ERICH1: variants seen among roughly 807,000 people sequenced by gnomAD.
ERICH1 encodes glutamate rich 1.
Under a neutral mutation model 39.6 loss-of-function variants are expected in ERICH1, and 56 were observed. The observed-to-expected ratio is 1.41, with a 90% CI of 1.14 to 1.77. The LOEUF (loss-of-function observed/expected upper bound fraction) is 1.77. Ranked by LOEUF, ERICH1 falls within the 40% of genes most tolerant of loss-of-function variation. The probability of loss-of-function intolerance (pLI) is 0.00; values close to 1 mark genes in which losing one functional copy is unlikely to be tolerated. For missense variants in ERICH1, 826 were observed against 575.4 expected, an observed-to-expected ratio of 1.44 and a Z score of -4.45; for synonymous variants, 313 against 223.6, an observed-to-expected ratio of 1.40 and a Z score of -3.57.
chr8:646,632 C>T (rs1455661198), intron 3 of ERICH1, among the ~76,000 whole-genome samples: 1 of 68,814 alleles, frequency 1.5e-5, no homozygotes, highest in Non-Finnish European at 4.6e-5. Flanking sequence ...CGAGGCTGGA[C>T]GCTGATGGAG....
intron 3 of ERICH1, chr8:656,913 A>C: frequency 1.1e-6 from 1 of 875,380 alleles, no homozygotes; most frequent in Non-Finnish European, 1.4e-6. Flanking sequence ...AAGATAAACA[A>C]TACACTCCTT....
intron 1 of ERICH1, among the ~76,000 whole-genome samples, chr8:723,313 T>C (rs1377627432): frequency 6.6e-6 from 1 of 152,210 alleles, no homozygotes; most frequent in Non-Finnish European, 1.5e-5. Context: ...CCTCCGACAT[T>C]CCTTTACAGC....
intron 3 of ERICH1, among the ~76,000 whole-genome samples, chr8:618,541 G>C (rs1041624204): frequency 2.0e-5 from 3 of 152,224 alleles, no homozygotes; most frequent in African/African-American, 4.8e-5. Flanking sequence ...AACTGAGTGA[G>C]TGACTGACAG....
Position 731,199 on chromosome 8 carries a change from G to T in ERICH1, c.-38C>A, listed in dbSNP as rs897898605. The T allele has an allele frequency of 6.8e-7, 1 of 1,464,168 alleles. No homozygotes were observed. Among genetic ancestry groups the T allele is most frequent in the Non-Finnish European group, 9.0e-7 (1 of 1,111,390 alleles). The allele number at this position is 1,464,168 out of a possible 1,614,324, so 90.7% of individuals were successfully genotyped here. On this transcript the variant is annotated 5_prime_UTR_variant, in exon 1 of 6. Coordinates refer to ENST00000262109, the MANE Select transcript of ERICH1 (RefSeq NM_207332.3). ...CGCGGACCTCAGACCACGGCGCGCG[G>T]TCCTGAGCTGAGCGCCGTGCCTTCC...
chr8:673,943 C>T lies in ERICH1; in HGVS notation c.409G>A (p.Glu137Lys), dbSNP rs146682812. 170 of 1,611,526 alleles carry T rather than the reference C, an allele frequency of 1.1e-4. 1 individual carries two copies. In the East Asian group the frequency reaches 3.5e-3, roughly 34 times the overall value. ...TCCTGTAACAGACTCTGCTGTTTCT[C>T]TAATTCTGCTTGTTCTATAAGAACA... ...NNVLIEQAELEKQQSLLQEKS... is the reference protein window; with the variant it reads ...NNVLIEQAELKKQQSLLQEKS... Residue 137 changes from glutamate to lysine, a missense_variant, in exon 4 of 6, where the codon GAG becomes AAG. Coordinates refer to ENST00000262109, the MANE Select transcript of ERICH1 (RefSeq NM_207332.3).
At chr8:707,674 G>A (rs1218080213) in intron 2 of ERICH1, among the ~76,000 whole-genome samples, 8 of 152,182 alleles carry the variant, frequency 5.3e-5, no homozygotes, top group Non-Finnish European at 1.0e-4. Context: ...ACACATAAGT[G>A]CTAAAACTAT....
intron 2 of ERICH1, among the ~76,000 whole-genome samples, chr8:696,904 C>T (rs1408510546): frequency 6.6e-6 from 1 of 150,824 alleles, no homozygotes; most frequent in Non-Finnish European, 1.5e-5. Context: ...CCCTCCCTCT[C>T]CTTCCTCCCC....
chr8:688,834 A>T (rs1448460939), intron 3 of ERICH1, among the ~76,000 whole-genome samples: 1 of 152,380 alleles, frequency 6.6e-6, no homozygotes, highest in South Asian at 2.1e-4. Flanking sequence ...TTATCCAACA[A>T]GAAGTACACG....
At chr8:626,973 G>A (rs371361747) in intron 3 of ERICH1, 19 of 385,626 alleles carry the variant, frequency 4.9e-5, no homozygotes, top group African/African-American at 3.9e-4. Flanking sequence ...TGCCGTGGAG[G>A]AGGAAAGCAC....
chr8:627,290 T>G (rs1272071514), intron 3 of ERICH1: 1 of 444,658 alleles, frequency 2.2e-6, no homozygotes, highest in African/African-American at 2.0e-5. Context: ...AAGGGGTGTA[T>G]AACAGGCCAG....
intron 3 of ERICH1, among the ~76,000 whole-genome samples, chr8:677,638 A>T (rs1429077793): frequency 6.6e-6 from 1 of 152,238 alleles, no homozygotes; most frequent in African/African-American, 2.4e-5. Context: ...ACTGATGTTT[A>T]AAACCAACCA....
Position 629,650 on chromosome 8 carries a change from C to A in ERICH1, c.977-14366G>T, listed in dbSNP as rs1227347433. Among the ~76,000 whole-genome samples, 498 of 142,966 alleles carry A rather than the reference C, an allele frequency of 3.5e-3. 9 individuals are homozygous for A. Among genetic ancestry groups the A allele is most frequent in the Non-Finnish European group, 2.2e-3 (148 of 66,686 alleles). The allele number at this position is 142,966 out of a possible 152,430, so 93.8% of individuals were successfully genotyped here. A position where few individuals can be genotyped will look rare whatever the true frequency, so the allele number is the denominator to read the frequency against. Reference sequence around the variant, plus strand: ...ACCCCAGAGACAGAGCTGACTCACACCCGCCTGTGACCACCCACAGAGACA... The same window carrying A: ...ACCCCAGAGACAGAGCTGACTCACAACCGCCTGTGACCACCCACAGAGACA... On this transcript the variant is annotated intron_variant, in intron 3 of 3. Coordinates refer to the ERICH1 transcript ENST00000522706.
In ERICH1 at chr8:728,980, T is replaced by G. The variant is rs1277097585; in HGVS notation, c.22+2160A>C. Among the ~76,000 whole-genome samples, 3 of 152,076 alleles carry G rather than the reference T, an allele frequency of 2.0e-5. No individual in the cohort carries two copies. The East Asian group carries it at 5.8e-4, about 29-fold the overall frequency. ...CCTGACTGCCAACCTTTCCACCTCA[T>G]GTTTCTTGGTCTGTGCCAGGGCCAG... is the stretch of plus-strand genomic sequence containing the variant. On this transcript the variant is annotated intron_variant, in intron 1 of 5. Coordinates refer to ENST00000262109, the MANE Select transcript of ERICH1 (RefSeq NM_207332.3).
At chr8:617,833 C>G (rs1257783356) in intron 3 of ERICH1, among the ~76,000 whole-genome samples, 1 of 149,674 alleles carries the variant, frequency 6.7e-6, no homozygotes, top group African/African-American at 2.5e-5. Flanking sequence ...TCCATCTGTC[C>G]TCACTGCCCT....
chr8:640,186 T>A (rs1304568621), intron 3 of ERICH1, among the ~76,000 whole-genome samples: 1 of 152,146 alleles, frequency 6.6e-6, no homozygotes, highest in Non-Finnish European at 1.5e-5. Flanking sequence ...TGCCGCCTAA[T>A]CAAAGGACCC....
At chr8:676,644 C>T (rs1331401465) in intron 3 of ERICH1, among the ~76,000 whole-genome samples, 2 of 152,326 alleles carry the variant, frequency 1.3e-5, no homozygotes, top group Non-Finnish European at 2.9e-5. Flanking sequence ...ACAGACGGCA[C>T]ATGGCGCACA....
chr8:705,809 G>C (rs928675644), intron 2 of ERICH1, among the ~76,000 whole-genome samples: 2 of 152,202 alleles, frequency 1.3e-5, no homozygotes, highest in African/African-American at 4.8e-5. Flanking sequence ...ATCTTGCACA[G>C]TGATGTACCA....
At chr8:635,241 G>A (rs979053518) in intron 3 of ERICH1, among the ~76,000 whole-genome samples, 1 of 152,106 alleles carries the variant, frequency 6.6e-6, no homozygotes, top group Non-Finnish European at 1.5e-5. Flanking sequence ...ATACACATCC[G>A]AGCTTATGAG....
At chr8:715,640 C>G (rs1236007603) in intron 2 of ERICH1, among the ~76,000 whole-genome samples, 1 of 152,202 alleles carries the variant, frequency 6.6e-6, no homozygotes, top group Non-Finnish European at 1.5e-5. Context: ...TAAATGACCC[C>G]AAAAAGGCAG....
Sources: allele counts gnomAD v4.1 joint callset (sites outside exome capture counted in the v4.1 genomes callset), GRCh38; gene constraint gnomAD v4.1.1; transcripts MANE v1.5; gene names NCBI Gene and HGNC (gene_info 2026-07-23, HGNC 2026-07-21).